Variants in MINDY4 observed in about 807,000 individuals in gnomAD.
MINDY4 encodes the protein probable ubiquitin carboxyl-terminal hydrolase MINDY-4.
Under a neutral mutation model 87.0 loss-of-function variants are expected in MINDY4, and 68 were observed. That is an observed-to-expected ratio of 0.78 (90% CI 0.64 to 0.96). MINDY4 has a LOEUF of 0.96. MINDY4 is among the 40% of genes least tolerant of loss of function. MINDY4 has a pLI of 0.00. For missense variants in MINDY4, 919 were observed against 928.2 expected, an observed-to-expected ratio of 0.99 and a Z score of 0.13; for synonymous variants, 379 against 363.2, an observed-to-expected ratio of 1.04 and a Z score of -0.50.
intron 2 of MINDY4, chr7:30,780,562 T>C (rs1786977244): frequency 6.6e-6 from 1 of 152,198 alleles, no homozygotes; most frequent in Non-Finnish European, 1.5e-5. Context: ...AAATTACTCA[T>C]TAATATCTAC....
chr7:30,863,885 G>T (rs569144014), intron 13 of MINDY4, among the ~76,000 whole-genome samples: 1 of 152,284 alleles, frequency 6.6e-6, no homozygotes, highest in African/African-American at 2.4e-5. Flanking sequence ...AAGCTTTGCT[G>T]CTTTTCAAAC....
At chr7:30,826,150 G>A (rs1788494297) in intron 5 of MINDY4, among the ~76,000 whole-genome samples, 1 of 152,104 alleles carries the variant, frequency 6.6e-6, no homozygotes, top group African/African-American at 2.4e-5. Context: ...TAATTTCCTT[G>A]TCTAAAGATC....
In MINDY4 at chr7:30,879,211, A is replaced by C. The variant is rs542040810; in HGVS notation, c.1972-2970A>C. ...GGCCTTTAAGGAAATGATTAAGGTA[A>C]AATGAGGTCACTAGGGTGGGTCCCA... is the stretch of plus-strand genomic sequence containing the variant. On this transcript the variant is annotated intron_variant, in intron 15 of 17. Transcript: ENST00000265299. Among the ~76,000 whole-genome samples the C allele has an allele frequency of 2.0e-5, 3 of 152,336 alleles. No individual in the cohort carries two copies. In the South Asian group the frequency reaches 6.2e-4, roughly 32 times the overall value.
intron 17 of MINDY4, among the ~76,000 whole-genome samples, chr7:30,887,290 CCACA>C (rs1251933522): frequency 6.6e-6 from 1 of 152,208 alleles, no homozygotes; most frequent in Non-Finnish European, 1.5e-5. Context: ...GCCCTGCCCC[CCACA>C]CACACCTGCC....
In MINDY4 at chr7:30,785,835, C is replaced by G. The variant is rs111491161; in HGVS notation, c.506C>G (p.Pro169Arg). The change falls in exon 4 of 18, where the codon CCG (proline) becomes CGG (arginine). Residue 169 changes from proline to arginine, a missense_variant. Physicochemically the swap from Pro to Arg is moderately radical, Grantham distance 103. Transcript: ENST00000265299. ...PHKSKPMQTV[P>R]GETPVLTSAW... ...AAAAGTAAGCCCATGCAGACGGTCC[C>G]GGGTGAAACTCCTGTGTTGACTTCT... 2.9e-5 allele frequency: 47 copies of G among 1,614,094 alleles called. No individual in the cohort carries two copies. In the South Asian group the frequency reaches 4.9e-4, roughly 17 times the overall value.
chr7:30,785,287 C>T (rs1324366786), intron 3 of MINDY4, among the ~76,000 whole-genome samples: 2 of 151,800 alleles, frequency 1.3e-5, no homozygotes, highest in East Asian at 1.9e-4. Flanking sequence ...CACACACACA[C>T]ACACACACAC....
intron 5 of MINDY4, among the ~76,000 whole-genome samples, chr7:30,801,315 G>T (rs1442528861): frequency 6.6e-6 from 1 of 152,150 alleles, no homozygotes; most frequent in Non-Finnish European, 1.5e-5. Flanking sequence ...GACTATTAAG[G>T]TTCAAAATCT....
chr7:30,847,083 G>T (rs1789244042), intron 9 of MINDY4, among the ~76,000 whole-genome samples: 1 of 152,186 alleles, frequency 6.6e-6, no homozygotes, highest in Non-Finnish European at 1.5e-5. Flanking sequence ...CTGACCCAGT[G>T]TCTGCATTTG....
At chr7:30,791,819 G>A (rs1181961403) in intron 5 of MINDY4, among the ~76,000 whole-genome samples, 2 of 152,052 alleles carry the variant, frequency 1.3e-5, no homozygotes, top group Non-Finnish European at 2.9e-5. Context: ...GGCTTCCCTG[G>A]GCCACATTGG....
intron 2 of MINDY4, 119 bp downstream of exon 2, chr7:30,778,670 C>A: frequency 1.6e-6 from 2 of 1,239,920 alleles, no homozygotes; most frequent in Non-Finnish European, 2.3e-6. Context: ...GTCACACTTG[C>A]GGTCAGAGAG....
At chr7:30,847,751 T>A (rs1215439394) in intron 9 of MINDY4, among the ~76,000 whole-genome samples, 1 of 147,774 alleles carries the variant, frequency 6.8e-6, no homozygotes, top group Admixed American at 6.7e-5. Flanking sequence ...TTTTTGTTTT[T>A]GTTTTAGAGA....
At chr7:30,773,180 A>G (rs773819780) in intron 1 of MINDY4, among the ~76,000 whole-genome samples, 1 of 152,228 alleles carries the variant, frequency 6.6e-6, no homozygotes, top group Non-Finnish European at 1.5e-5. Flanking sequence ...CGTGCTCCCC[A>G]CAGGGTTTTG....
intron 5 of MINDY4, among the ~76,000 whole-genome samples, chr7:30,812,917 C>T (rs575306061): frequency 5.9e-5 from 9 of 152,336 alleles, no homozygotes; most frequent in East Asian, 3.9e-4. Flanking sequence ...CAGCTGCTTC[C>T]GATGGTTTTC....
At chr7:30,845,312 C>G (rs1392419234) in intron 9 of MINDY4, among the ~76,000 whole-genome samples, 2 of 152,244 alleles carry the variant, frequency 1.3e-5, no homozygotes, top group African/African-American at 2.4e-5. Flanking sequence ...AGCCCCTGCC[C>G]CACACGAGCA....
In MINDY4 at chr7:30,786,355, G is replaced by A. The variant is rs1787157489; in HGVS notation, c.663+363G>A. 4 of 193,586 alleles carry A rather than the reference G, an allele frequency of 2.1e-5. No individual in the cohort carries two copies. In the South Asian group the frequency reaches 3.7e-4, roughly 18 times the overall value. 12.0% of individuals were successfully genotyped at this position (193,586 alleles called of 1,614,324 possible). The stretch of plus-strand genomic sequence containing the variant: ...AGGCTGAGTGTGGTGGCTTACACCT[G>A]TAATCCCAATGCTTTGGGAGGCCAA... On this transcript the variant is annotated intron_variant, in intron 4 of 17. Transcript: ENST00000265299.
chr7:30,864,389 A>G (rs1034213081), intron 13 of MINDY4, among the ~76,000 whole-genome samples: 2 of 152,234 alleles, frequency 1.3e-5, no homozygotes, highest in African/African-American at 4.8e-5. Flanking sequence ...CAGAAGCTCA[A>G]TTCCCAGCCA....
intron 13 of MINDY4, among the ~76,000 whole-genome samples, chr7:30,871,747 C>T (rs114088979): frequency 0.022 from 3,309 of 152,292 alleles, 127 homozygotes; most frequent in African/African-American, 0.076. Context: ...GAATAATGTG[C>T]GTACAGTGCC....
chr7:30,850,607 G>A, intron 10 of MINDY4, 52 bp downstream of exon 10: 1 of 1,508,044 alleles, frequency 6.6e-7, no homozygotes, highest in Non-Finnish European at 9.0e-7. Context: ...GCTGGCAGCT[G>A]CCGGCAAGCT....
chr7:30,833,167 CCTAA>C (rs1273371319), intron 6 of MINDY4, among the ~76,000 whole-genome samples: 10 of 152,044 alleles, frequency 6.6e-5, no homozygotes, highest in African/African-American at 1.9e-4. Flanking sequence ...TTTCAGAGAC[CCTAA>C]CTAAGAAATT....
Sources: gnomAD v4.1 joint callset for allele counts (sites outside exome capture counted in the v4.1 genomes callset) on GRCh38, gnomAD v4.1.1 for gene constraint, MANE v1.5 for transcripts, NCBI Gene and HGNC (gene_info 2026-07-23, HGNC 2026-07-21) for gene names.